Variants in PNPLA8 observed in about 807,000 individuals in gnomAD.
PNPLA8 encodes the protein calcium-independent phospholipase A2-gamma.
In PNPLA8, 39 loss-of-function variants were observed where a neutral mutation model predicts 76.9. That is an observed-to-expected ratio of 0.51 (90% CI 0.39 to 0.66). The LOEUF (loss-of-function observed/expected upper bound fraction) is 0.66. Among genes scored for constraint, PNPLA8 ranks in the 30% least tolerant of loss-of-function variants. The probability of loss-of-function intolerance (pLI) is 0.00; values close to 1 mark genes in which losing one functional copy is unlikely to be tolerated. For synonymous variants in PNPLA8, 301 were observed against 307.9 expected (o/e 0.98, Z 0.24); for missense variants, 887 against 918.0 (o/e 0.97, Z 0.44).
At chr7:108,511,059 A>AG in intron 4 of PNPLA8, 2 of 701,264 alleles carry the variant, frequency 2.9e-6, no homozygotes, top group South Asian at 3.8e-5. Context: ...AAAAAAAAAA[A>AG]GAAAACTGGT....
intron 5 of PNPLA8, among the ~76,000 whole-genome samples, chr7:108,500,025 T>A (rs1792884889): frequency 6.6e-6 from 1 of 152,230 alleles, no homozygotes; most frequent in African/African-American, 2.4e-5. Flanking sequence ...TTTTTCTTCA[T>A]AGCACCCAGA....
Position 108,479,246 on chromosome 7 carries a change from A to C in PNPLA8, c.2012T>G (p.Val671Gly). 6.2e-7 allele frequency: 1 copy of C among 1,613,504 alleles called. No individual in the cohort carries two copies. The highest frequency in any genetic ancestry group is 2.2e-5 in the East Asian group (1 of 44,874). ...TTTAGTTTTCAAGCTTGTGTATGTT[A>C]CCGTGTTTCTCACATCACTCTCATA... is the stretch of plus-strand genomic sequence containing the variant. ...GRYESDVRNT[V>G]TYTSLKTKLS... Residue 671 changes from valine (V) to glycine (G), a missense_variant, in exon 10 of 11, where the codon GTA (valine) becomes GGA (glycine). Coordinates refer to ENST00000257694, the MANE Select transcript of PNPLA8 (RefSeq NM_001256007.3).
intron 1 of PNPLA8, among the ~76,000 whole-genome samples, chr7:108,525,532 G>A (rs1278478086): frequency 6.6e-6 from 1 of 152,202 alleles, no homozygotes; most frequent in African/African-American, 2.4e-5. Context: ...ATCCACTTAA[G>A]CAACAGCGGT....
chr7:108,483,553 A>G (rs1477329282), intron 9 of PNPLA8, among the ~76,000 whole-genome samples: 1 of 152,198 alleles, frequency 6.6e-6, no homozygotes, highest in Non-Finnish European at 1.5e-5. Context: ...AATGCTTGTG[A>G]GATTCATCTA....
chr7:108,523,803 A>G (rs539010256), intron 1 of PNPLA8, among the ~76,000 whole-genome samples: 1 of 152,064 alleles, frequency 6.6e-6, no homozygotes, highest in East Asian at 1.9e-4. Flanking sequence ...GGGCTCTGAC[A>G]CCTCACCCAG....
Position 108,514,512 on chromosome 7 carries a change from G to T in PNPLA8, c.980C>A (p.Pro327His). 1 of 1,613,830 alleles carries T rather than the reference G, an allele frequency of 6.2e-7. No individual in the cohort carries two copies. The highest frequency in any genetic ancestry group is 1.1e-5 in the South Asian group (1 of 91,064). The part of the protein sequence containing the change: ...SKSQSEEQEE[P>H]AKTDQAVSKD... ...GCTGACAGCCTGATCAGTTTTAGCA[G>T]GCTCTTCCTGTTCTTCTGACTGACT... is the stretch of plus-strand genomic sequence containing the variant. Residue 327 changes from proline to histidine, a missense_variant, in exon 3 of 11, where the codon CCT becomes CAT. By Grantham distance (77) the Pro-to-His change is moderately conservative (BLOSUM62 -2). Coordinates refer to ENST00000257694, the MANE Select transcript of PNPLA8 (RefSeq NM_001256007.3).
At chr7:108,512,455 C>T (rs927785648) in intron 4 of PNPLA8, among the ~76,000 whole-genome samples, 1 of 152,080 alleles carries the variant, frequency 6.6e-6, no homozygotes, top group Non-Finnish European at 1.5e-5. Context: ...AGACAATTCC[C>T]TAAATGTGGC....
At chr7:108,482,834 T>G (rs762625822) in intron 9 of PNPLA8, among the ~76,000 whole-genome samples, 1 of 152,266 alleles carries the variant, frequency 6.6e-6, no homozygotes, top group Non-Finnish European at 1.5e-5. Flanking sequence ...TATAGGAATA[T>G]AATTGATTCT....
At chr7:108,505,531 T>C (rs1862357430) in intron 4 of PNPLA8, among the ~76,000 whole-genome samples, 1 of 150,326 alleles carries the variant, frequency 6.7e-6, no homozygotes, top group Non-Finnish European at 1.5e-5. Context: ...CCCAGCTAAT[T>C]TTTGTATTTT....
intron 7 of PNPLA8, among the ~76,000 whole-genome samples, chr7:108,494,599 A>G (rs1861425990): frequency 6.6e-6 from 1 of 152,130 alleles, no homozygotes; most frequent in Non-Finnish European, 1.5e-5. Context: ...TTCTTTATCC[A>G]ATCCACTGTT....
chr7:108,475,140 G>C (rs1324104024), intron 10 of PNPLA8, among the ~76,000 whole-genome samples: 1 of 152,108 alleles, frequency 6.6e-6, no homozygotes, highest in African/African-American at 2.4e-5. Context: ...AATGCCTGAT[G>C]ATCTGTCACT....
chr7:108,475,170 T>C (rs531090649), intron 10 of PNPLA8, among the ~76,000 whole-genome samples: 24 of 152,286 alleles, frequency 1.6e-4, no homozygotes, highest in African/African-American at 5.3e-4. Context: ...CATCCCTAGA[T>C]AAGACCATCT....
rs2154515914 is a variant in PNPLA8 at position 108,502,498 on chromosome 7, C to T, written c.1351G>A (p.Gly451Arg). The change falls in exon 5 of 11, where the codon GGA becomes AGA. Residue 451 changes from glycine to arginine, a missense_variant. Coordinates refer to ENST00000257694, the MANE Select transcript of PNPLA8 (RefSeq NM_001256007.3). ...GIRILSIDGG[G>R]TRGVVALQTL... ...TCATGTTCCTAGCCTTACCTTGTTC[C>T]TCCACCATCAATTGAGAGAATTCGG... The T allele has an allele frequency of 1.3e-6, 2 of 1,519,700 alleles. No homozygotes were observed. The highest frequency in any genetic ancestry group is 2.3e-5 in the East Asian group (1 of 43,028). The allele number at this position is 1,519,700 out of a possible 1,614,324, so 94.1% of individuals were successfully genotyped here.
intron 9 of PNPLA8, among the ~76,000 whole-genome samples, chr7:108,483,585 T>C (rs1227780300): frequency 6.6e-6 from 1 of 152,232 alleles, no homozygotes; most frequent in Non-Finnish European, 1.5e-5. Flanking sequence ...ATGTCAGTAA[T>C]TCATTCCTTT....
upstream of PNPLA8, among the ~76,000 whole-genome samples, chr7:108,526,490 T>C (rs890869311): frequency 2.0e-5 from 3 of 152,160 alleles, no homozygotes; most frequent in Admixed American, 2.0e-4. Context: ...AGTGTCCTGG[T>C]TTGCTTGTTT....
chr7:108,509,265 G>A (rs1004445761), intron 4 of PNPLA8, among the ~76,000 whole-genome samples: 793 of 71,350 alleles, frequency 0.011, no homozygotes, highest in Middle Eastern at 0.025. Flanking sequence ...GAAAATTTTC[G>A]CAACCTACTC....
At chr7:108,501,761 T>C (rs1283326949) in intron 5 of PNPLA8, among the ~76,000 whole-genome samples, 4 of 151,994 alleles carry the variant, frequency 2.6e-5, no homozygotes, top group South Asian at 2.1e-4. Flanking sequence ...GAGGCAGAGG[T>C]TGCAGTGATC....
At chr7:108,512,446 GA>G (rs1243610925) in intron 4 of PNPLA8, among the ~76,000 whole-genome samples, 4 of 151,958 alleles carry the variant, frequency 2.6e-5, no homozygotes, top group Non-Finnish European at 4.4e-5. Context: ...AATTATCACA[GA>G]CAATTCCCTA....
intron 4 of PNPLA8, among the ~76,000 whole-genome samples, chr7:108,512,210 T>C (rs1410166885): frequency 6.6e-6 from 1 of 152,210 alleles, no homozygotes; most frequent in Non-Finnish European, 1.5e-5. Context: ...GAGATTTCGG[T>C]GTTGTTTGCT....
Sources: allele counts gnomAD v4.1 joint callset (sites outside exome capture counted in the v4.1 genomes callset), GRCh38; gene constraint gnomAD v4.1.1; transcripts MANE v1.5; gene names NCBI Gene and HGNC (gene_info 2026-07-23, HGNC 2026-07-21).